KBTBD8: variants seen among roughly 807,000 people sequenced by gnomAD.
KBTBD8 encodes the protein kelch repeat and BTB domain containing 8.
KBTBD8 carries 31 observed loss-of-function variants against 53.5 expected under a neutral mutation model. That is an observed-to-expected ratio of 0.58 (90% confidence interval 0.44 to 0.78). The LOEUF is 0.78. Among genes scored for constraint, KBTBD8 ranks in the 30% least tolerant of loss-of-function variants. The pLI is 0.00. For missense variants in KBTBD8, 642 were observed against 735.8 expected, an observed-to-expected ratio of 0.87 and a Z score of 1.48; for synonymous variants, 250 against 247.3, an observed-to-expected ratio of 1.01 and a Z score of -0.10.
In KBTBD8 at chr3:67,008,119, G is replaced by A; in HGVS notation, c.1540G>A (p.Asp514Asn). 1 of 1,614,076 alleles carries A rather than the reference G, an allele frequency of 6.2e-7. No individual in the cohort carries two copies. Among genetic ancestry groups the A allele is most frequent in the Non-Finnish European group, 8.5e-7 (1 of 1,180,012 alleles). ...GCTAAATAAATGGACTCGTAAGAAAGACTTTCCATGTGATCAGTCCATAAA... is the reference window on the plus strand; with the variant it reads ...GCTAAATAAATGGACTCGTAAGAAAAACTTTCCATGTGATCAGTCCATAAA... ...IELNKWTRKK[D>N]FPCDQSINPY... The change falls in exon 4 of 4, where the codon GAC becomes AAC. Residue 514 changes from aspartate to asparagine, a missense_variant. Coordinates refer to ENST00000417314, the MANE Select transcript of KBTBD8 (RefSeq NM_032505.3).
At chr3:66,999,781 A>C (rs1702000288) in intron 2 of KBTBD8, among the ~76,000 whole-genome samples, 1 of 152,244 alleles carries the variant, frequency 6.6e-6, no homozygotes, top group African/African-American at 2.4e-5. Context: ...AGATTGTTTA[A>C]ATGCTATGGG....
Position 67,010,846 on chromosome 3 carries a change from A to G in KBTBD8, c.*2461A>G, listed in dbSNP as rs1414470838. ...GTTTTTGCATTTGAAGAATGTATGT[A>G]GCACTTTCCTATATATTTGTCACAC... is the stretch of plus-strand genomic sequence containing the variant. On this transcript the variant is annotated 3_prime_UTR_variant, in exon 4 of 4. Coordinates refer to ENST00000417314, the MANE Select transcript of KBTBD8 (RefSeq NM_032505.3). 1 of 152,652 alleles carries G rather than the reference A, an allele frequency of 6.6e-6. No homozygotes were observed. Among genetic ancestry groups the G allele is most frequent in the Non-Finnish European group, 1.5e-5 (1 of 68,022 alleles). The allele number at this position is 152,652 out of a possible 1,614,324, so 9.5% of individuals were successfully genotyped here.
rs1340976578 is a variant in KBTBD8 at position 67,004,090 on chromosome 3, T to C, written c.1123T>C (p.Ser375Pro). 1 of 1,614,080 alleles carries C rather than the reference T, an allele frequency of 6.2e-7. No individual in the cohort carries two copies. Among genetic ancestry groups the C allele is most frequent in the Admixed American group, 1.7e-5 (1 of 60,004 alleles). The change falls in exon 3 of 4, where the codon TCC becomes CCC. Residue 375 changes from serine (S) to proline (P), a missense_variant. Coordinates refer to ENST00000417314, the MANE Select transcript of KBTBD8 (RefSeq NM_032505.3). ...CACCAATAGATGGCTATCCAAACCA[T>C]CCTTGCTTCGAGCCAGAATAGGCTG... ...HSTNRWLSKP[S>P]LLRARIGCKL...
Position 67,008,443 on chromosome 3 carries a change from A to AAACT in KBTBD8, c.*58_*59insAACT. 3.2e-6 allele frequency: 4 copies of AAACT among 1,230,960 alleles called. No individual in the cohort carries two copies. In the South Asian group the frequency reaches 5.6e-5, roughly 17 times the overall value. The allele number at this position is 1,230,960 out of a possible 1,614,324, so 76.3% of individuals were successfully genotyped here. On this transcript the variant is annotated 3_prime_UTR_variant, in exon 4 of 4. Coordinates refer to ENST00000417314, the MANE Select transcript of KBTBD8 (RefSeq NM_032505.3). ...CTCATTCTTAGGAAACTTGTCTTTG[A>AAACT]TACAAAAGAGTGCTGACAGTATTTC...
chr3:67,001,277 T>G (rs921266274), intron 2 of KBTBD8, among the ~76,000 whole-genome samples: 1 of 152,198 alleles, frequency 6.6e-6, no homozygotes. Flanking sequence ...GTACTTAATG[T>G]TTCTACGTCT....
rs778509914 is a variant in KBTBD8, at chr3:66,999,185, A to T, written c.221A>T (p.Tyr74Phe). 1 of 1,613,942 alleles carries T rather than the reference A, an allele frequency of 6.2e-7. No individual in the cohort carries two copies. The highest frequency in any genetic ancestry group is 8.5e-7 in the Non-Finnish European group (1 of 1,179,806). The change falls in exon 2 of 4, where the codon TAC becomes TTC. Residue 74 changes from tyrosine (Y) to phenylalanine (F), a missense_variant. Coordinates refer to ENST00000417314, the MANE Select transcript of KBTBD8 (RefSeq NM_032505.3). ...AACGTTCTTGCTGCAATCAGCCCTT[A>T]CTTCAGGTATGATGATGGTAGGAAC... ...HRNVLAAISPYFRSMFTSGLT... is the reference protein window; with the variant it reads ...HRNVLAAISPFFRSMFTSGLT...
chr3:67,003,547 G>A lies in KBTBD8; in HGVS notation c.580G>A (p.Asp194Asn). The A allele has an allele frequency of 6.2e-7, 1 of 1,613,994 alleles. No homozygotes were observed. Among genetic ancestry groups the A allele is most frequent in the Non-Finnish European group, 8.5e-7 (1 of 1,179,928 alleles). ...KEQEFLQLTKDQLISILDSDD... is the reference protein window; with the variant it reads ...KEQEFLQLTKNQLISILDSDD... Reference sequence around the variant, plus strand: ...ACAAGAGTTTCTCCAGTTGACAAAAGACCAACTGATAAGTATACTAGACAG... The same window carrying A: ...ACAAGAGTTTCTCCAGTTGACAAAAAACCAACTGATAAGTATACTAGACAG... The change falls in exon 3 of 4, where the codon GAC becomes AAC. Residue 194 changes from aspartate (D) to asparagine (N), a missense_variant. Coordinates refer to ENST00000417314, the MANE Select transcript of KBTBD8 (RefSeq NM_032505.3).
Position 67,011,106 on chromosome 3 carries a change from G to T in KBTBD8, c.*2721G>T, listed in dbSNP as rs1192214978. ...GTAGTAAGTACTGTAGTCCTGTGGG[G>T]GCAAATGTGTAGATATTTTTAAACA... On this transcript the variant is annotated 3_prime_UTR_variant, in exon 4 of 4. Coordinates refer to ENST00000417314, the MANE Select transcript of KBTBD8 (RefSeq NM_032505.3). 1 of 152,498 alleles carries T rather than the reference G, an allele frequency of 6.6e-6. No individual in the cohort carries two copies. The highest frequency in any genetic ancestry group is 2.4e-5 in the African/African-American group (1 of 41,390). 9.4% of individuals were successfully genotyped at this position (152,498 alleles called of 1,614,324 possible). A position where few individuals can be genotyped will look rare whatever the true frequency, so the allele number is the denominator to read the frequency against.
chr3:67,002,284 T>G (rs1702024234), intron 2 of KBTBD8, among the ~76,000 whole-genome samples: 1 of 152,190 alleles, frequency 6.6e-6, no homozygotes, highest in African/African-American at 2.4e-5. Context: ...GTGAAGTGAT[T>G]ATTATATTAC....
Position 66,999,163 on chromosome 3 carries a change from G to A in KBTBD8, c.199G>A (p.Val67Ile), listed in dbSNP as rs1367150569. 6.2e-7 allele frequency: 1 copy of A among 1,614,186 alleles called. No individual in the cohort carries two copies. Among genetic ancestry groups the A allele is most frequent in the South Asian group, 1.1e-5 (1 of 91,086 alleles). ...GAAAACATTTTCCTGTCATAGAAAC[G>A]TTCTTGCTGCAATCAGCCCTTACTT... is the stretch of plus-strand genomic sequence containing the variant. ...HGKTFSCHRN[V>I]LAAISPYFRS... Residue 67 changes from valine (V) to isoleucine (I), a missense_variant, in exon 2 of 4, where the codon GTT (valine) becomes ATT (isoleucine). Physicochemically the swap from Val to Ile is conservative, Grantham distance 29 (BLOSUM62 3). Coordinates refer to ENST00000417314, the MANE Select transcript of KBTBD8 (RefSeq NM_032505.3).
Position 67,005,272 on chromosome 3 carries a change from A to G in KBTBD8, c.1342+963A>G, listed in dbSNP as rs575625426. Among the ~76,000 whole-genome samples the G allele has an allele frequency of 8.3e-4, 127 of 152,328 alleles. 1 individual carries two copies. In the Middle Eastern group the frequency reaches 0.017, roughly 20 times the overall value. The stretch of plus-strand genomic sequence containing the variant: ...TACTTAAGGAAAAGGAGCAGCTTCT[A>G]TGAAGATATACAGTCATGTGCCATG... On this transcript the variant is annotated intron_variant, in intron 3 of 3. Transcript: ENST00000417314.
chr3:67,007,568 C>T (rs536890634), intron 3 of KBTBD8, among the ~76,000 whole-genome samples: 1 of 152,262 alleles, frequency 6.6e-6, no homozygotes, highest in South Asian at 2.1e-4. Flanking sequence ...ATCCACCCGT[C>T]TCAGCCTCCC....
In KBTBD8 at chr3:67,010,415, G is replaced by C. The variant is rs1702107222; in HGVS notation, c.*2030G>C. 2 of 152,478 alleles carry C rather than the reference G, an allele frequency of 1.3e-5. No homozygotes were observed. The highest frequency in any genetic ancestry group is 2.9e-5 in the Non-Finnish European group (2 of 67,976). 9.4% of individuals were successfully genotyped at this position (152,478 alleles called of 1,614,324 possible). A position where few individuals can be genotyped will look rare whatever the true frequency, so the allele number is the denominator to read the frequency against. ...GAACATTGAGTTAGCAATTTACATG[G>C]GCTGTATGTTATATAAGAGAATGAC... On this transcript the variant is annotated 3_prime_UTR_variant, in exon 4 of 4. Coordinates refer to ENST00000417314, the MANE Select transcript of KBTBD8 (RefSeq NM_032505.3).
chr3:66,999,424 G>A (rs1180369207), intron 2 of KBTBD8, among the ~76,000 whole-genome samples: 1 of 152,224 alleles, frequency 6.6e-6, no homozygotes, highest in Non-Finnish European at 1.5e-5. Flanking sequence ...GTGTGTGTTT[G>A]AGGTAAATGA....
Position 67,008,148 on chromosome 3 carries a change from A to G in KBTBD8, c.1569A>G (p.Pro523=). 2 of 1,614,112 alleles carry G rather than the reference A, an allele frequency of 1.2e-6. No homozygotes were observed. The highest frequency in any genetic ancestry group is 1.1e-5 in the South Asian group (1 of 91,084). Residue 523 remains proline, a synonymous_variant, in exon 4 of 4, where the codon CCA becomes CCG. Coordinates refer to ENST00000417314, the MANE Select transcript of KBTBD8 (RefSeq NM_032505.3). Reference sequence around the variant, plus strand: ...TTCCATGTGATCAGTCCATAAATCCATACCTTAAACTGGTACTTTTCCAGA... The same window carrying G: ...TTCCATGTGATCAGTCCATAAATCCGTACCTTAAACTGGTACTTTTCCAGA... ...KDFPCDQSIN[P]YLKLVLFQNK...
At position 66,999,336 on chromosome 3, in the gene KBTBD8, C is replaced by T. The variant is rs982115933; in HGVS notation, c.227+145C>T. The T allele has an allele frequency of 8.3e-6, 6 of 720,450 alleles. No individual in the cohort carries two copies. The African/African-American group carries it at 8.8e-5, about 11-fold the overall frequency. The allele number at this position is 720,450 out of a possible 1,614,324, so 44.6% of individuals were successfully genotyped here. A position where few individuals can be genotyped will look rare whatever the true frequency, so the allele number is the denominator to read the frequency against. On this transcript the variant is annotated intron_variant, in intron 2 of 3. Coordinates refer to ENST00000417314, the MANE Select transcript of KBTBD8 (RefSeq NM_032505.3). ...CTTGAGACTAGAAAACAAGTCCTCT[C>T]TTAACTAAGACCTTCTTTTGACTTG...
rs1393067389 is a variant in KBTBD8 at position 67,009,516 on chromosome 3, ACAAT to A, written c.*1132_*1135del. 2.0e-5 allele frequency: 3 copies of A among 152,556 alleles called. No homozygotes were observed. Among genetic ancestry groups the A allele is most frequent in the Non-Finnish European group, 4.4e-5 (3 of 68,030 alleles). The allele number at this position is 152,556 out of a possible 1,614,324, so 9.5% of individuals were successfully genotyped here. On this transcript the variant is annotated 3_prime_UTR_variant, in exon 4 of 4. Coordinates refer to ENST00000417314, the MANE Select transcript of KBTBD8 (RefSeq NM_032505.3). The stretch of plus-strand genomic sequence containing the variant: ...ATTTAATGTCTTTAAGTTTCATATT[ACAAT>A]TAAAACCTCATTTTTTTTTTCCATT...
In KBTBD8 at chr3:66,998,507, A is replaced by G. The variant is rs966662115; in HGVS notation, c.16+136A>G. Reference sequence around the variant, plus strand: ...GATGAAGCGGTGGAGGGGAATGAGAAGAGGGAGGATGAATGGTGCGGAGGG... The same window carrying G: ...GATGAAGCGGTGGAGGGGAATGAGAGGAGGGAGGATGAATGGTGCGGAGGG... On this transcript the variant is annotated intron_variant, in intron 1 of 3. Transcript: ENST00000417314. The G allele has an allele frequency of 8.5e-6, 6 of 708,054 alleles. No individual in the cohort carries two copies. In the African/African-American group the frequency reaches 9.4e-5, roughly 11 times the overall value. The allele number at this position is 708,054 out of a possible 1,614,324, so 43.9% of individuals were successfully genotyped here. A position where few individuals can be genotyped will look rare whatever the true frequency, so the allele number is the denominator to read the frequency against.
At chr3:67,002,416 A>G (rs919646651) in intron 2 of KBTBD8, among the ~76,000 whole-genome samples, 2 of 152,076 alleles carry the variant, frequency 1.3e-5, no homozygotes, top group African/African-American at 4.8e-5. Context: ...TATTTTGGAT[A>G]CAAGTTGCCT....
Sources: gnomAD v4.1 joint callset for allele counts (sites outside exome capture counted in the v4.1 genomes callset) on GRCh38, gnomAD v4.1.1 for gene constraint, MANE v1.5 for transcripts, NCBI Gene and HGNC (gene_info 2026-07-23, HGNC 2026-07-21) for gene names.